TANC2: variants seen among roughly 807,000 people sequenced by gnomAD.
TANC2 encodes tetratricopeptide repeat, ankyrin repeat and coiled-coil containing 2.
A neutral mutation model predicts 210.5 loss-of-function variants in TANC2; 26 were observed. The ratio of observed to expected loss-of-function variants is 0.12; its 90% CI spans 0.09 to 0.17. The LOEUF (loss-of-function observed/expected upper bound fraction) is 0.17, where lower values mean the gene tolerates loss of function less well. Among genes scored for constraint, TANC2 ranks in the 10% least tolerant of loss-of-function variants. The probability of loss-of-function intolerance (pLI) is 1.00; values close to 1 mark genes in which losing one functional copy is unlikely to be tolerated. For missense variants in TANC2, 2,129 were observed against 2,608.9 expected (o/e 0.82, Z 4.01); for synonymous variants, 931 against 967.1 (o/e 0.96, Z 0.69).
At chr17:63,066,155 C>G (rs2036188648) in intron 2 of TANC2, among the ~76,000 whole-genome samples, 1 of 152,146 alleles carries the variant, frequency 6.6e-6, no homozygotes, top group South Asian at 2.1e-4. Flanking sequence ...AGGCCTGGAT[C>G]CTGGGGCCAC....
intron 11 of TANC2, among the ~76,000 whole-genome samples, chr17:63,329,446 C>G (rs2045762163): frequency 6.6e-6 from 1 of 152,070 alleles, no homozygotes; most frequent in African/African-American, 2.4e-5. Context: ...TACCTATCAA[C>G]TAGCAAAAAT....
chr17:63,059,480 C>T (rs1246750900), intron 2 of TANC2, among the ~76,000 whole-genome samples: 1 of 152,098 alleles, frequency 6.6e-6, no homozygotes, highest in Non-Finnish European at 1.5e-5. Flanking sequence ...TAATTCATTG[C>T]AAGTTGCAGA....
chr17:63,104,008 C>T (rs2037730030), intron 4 of TANC2, among the ~76,000 whole-genome samples: 1 of 151,856 alleles, frequency 6.6e-6, no homozygotes, highest in African/African-American at 2.4e-5. Context: ...ACATGTGTCT[C>T]ATTTTACCAA....
intron 7 of TANC2, among the ~76,000 whole-genome samples, chr17:63,219,789 C>A (rs1172510089): frequency 6.6e-6 from 1 of 151,714 alleles, no homozygotes; most frequent in Non-Finnish European, 1.5e-5. Context: ...CACATATATC[C>A]ATTTTTTTAG....
chr17:63,012,017 CTT>C (rs559717868), intron 2 of TANC2, among the ~76,000 whole-genome samples: 18 of 134,472 alleles, frequency 1.3e-4, no homozygotes, highest in Admixed American at 2.3e-4. Context: ...TTGATCAAAA[CTT>C]TTTTTTTTTT....
At chr17:63,270,838 C>A (rs1451263136) in intron 9 of TANC2, among the ~76,000 whole-genome samples, 3 of 152,106 alleles carry the variant, frequency 2.0e-5, no homozygotes, top group African/African-American at 7.2e-5. Flanking sequence ...CACCAGTAGG[C>A]CCCAGTGTTT....
chr17:63,384,589 T>C lies in TANC2; in HGVS notation c.2692-4046T>C, dbSNP rs80023267. Among the ~76,000 whole-genome samples the C allele has an allele frequency of 1.4e-4, 21 of 152,262 alleles. No individual in the cohort carries two copies. In the East Asian group the frequency reaches 3.5e-3, roughly 25 times the overall value. On this transcript the variant is annotated intron_variant, in intron 15 of 27. Coordinates refer to ENST00000689528, the Ensembl canonical transcript of TANC2. Reference sequence around the variant, plus strand: ...ATTATAGTAGAAGCCCCTTTATATCTTTCCCTTACCCCATTCTCCTCCCTC... The same window carrying C: ...ATTATAGTAGAAGCCCCTTTATATCCTTCCCTTACCCCATTCTCCTCCCTC...
intron 17 of TANC2, among the ~76,000 whole-genome samples, chr17:63,392,028 G>A (rs1160670883): frequency 6.6e-6 from 1 of 152,040 alleles, no homozygotes; most frequent in African/African-American, 2.4e-5. Flanking sequence ...TGCTCGGCCA[G>A]TAGTAAACTT....
At chr17:63,214,706 G>A (rs562564730) in intron 7 of TANC2, among the ~76,000 whole-genome samples, 1 of 152,236 alleles carries the variant, frequency 6.6e-6, no homozygotes, top group South Asian at 2.1e-4. Flanking sequence ...ACCCCCAAAG[G>A]CCAGAACCTT....
chr17:63,050,079 C>T (rs1194418891), intron 2 of TANC2, among the ~76,000 whole-genome samples: 1 of 152,086 alleles, frequency 6.6e-6, no homozygotes, highest in Non-Finnish European at 1.5e-5. Context: ...AGGCTGGGCA[C>T]AGTGGCTCAC....
At chr17:63,425,787 G>C (rs1484913423) in exon 28 of TANC2, 1 of 152,266 alleles carries the variant, frequency 6.6e-6, no homozygotes, top group Admixed American at 6.5e-5. Flanking sequence ...GCCAGGCAGA[G>C]GCTGGAAGAA....
rs547776319 is a variant in TANC2, at chr17:63,391,912, A to C, written c.3051+2368A>C. 1.3e-3 allele frequency among the ~76,000 whole-genome samples: 192 copies of C among 152,144 alleles called. 1 individual carries two copies. Among genetic ancestry groups the C allele is most frequent in the African/African-American group, 4.2e-3 (176 of 41,502 alleles). ...TGGCTAATTTTTGTATTTTTAGTAG[A>C]GATGGGGTTTCACCATGTTGGCCAG... is the stretch of plus-strand genomic sequence containing the variant. On this transcript the variant is annotated intron_variant, in intron 17 of 27. Transcript: ENST00000689528.
intron 11 of TANC2, among the ~76,000 whole-genome samples, chr17:63,319,705 T>A (rs1363886188): frequency 6.6e-6 from 1 of 152,220 alleles, no homozygotes; most frequent in Non-Finnish European, 1.5e-5. Flanking sequence ...AGTTTTAAAT[T>A]TTCATTCCTA....
At chr17:63,383,723 C>T (rs765408552) in intron 15 of TANC2, among the ~76,000 whole-genome samples, 6 of 152,078 alleles carry the variant, frequency 3.9e-5, no homozygotes, top group Admixed American at 1.3e-4. Context: ...GAGTAAATGC[C>T]TTAGTAGTGC....
chr17:63,425,623 G>A (rs1033640555), exon 28 of TANC2: 2 of 152,184 alleles, frequency 1.3e-5, no homozygotes, highest in Admixed American at 6.5e-5. Flanking sequence ...AAAGAACAGC[G>A]GCATCCCCTC....
chr17:63,402,882 T>C (rs1426122625), intron 19 of TANC2, among the ~76,000 whole-genome samples: 1 of 152,244 alleles, frequency 6.6e-6, no homozygotes, highest in African/African-American at 2.4e-5. Context: ...AATCCAGCCA[T>C]ACAACTCCTT....
chr17:63,266,858 T>G (rs182784530), intron 8 of TANC2, among the ~76,000 whole-genome samples: 102 of 152,214 alleles, frequency 6.7e-4, no homozygotes, highest in African/African-American at 2.4e-3. Context: ...GGTGTTATTG[T>G]TGTTGTTGTT....
intron 2 of TANC2, among the ~76,000 whole-genome samples, chr17:63,050,317 C>T (rs1459931736): frequency 6.6e-6 from 1 of 151,114 alleles, no homozygotes; most frequent in Non-Finnish European, 1.5e-5. Context: ...TGATCATGCC[C>T]CAGCACTTCA....
intron 11 of TANC2, among the ~76,000 whole-genome samples, chr17:63,335,360 C>T (rs1036954424): frequency 2.0e-5 from 3 of 152,218 alleles, no homozygotes; most frequent in African/African-American, 7.2e-5. Context: ...TGCCTGTAAT[C>T]CCAACACTTT....
Sources: allele counts gnomAD v4.1 joint callset (sites outside exome capture counted in the v4.1 genomes callset), GRCh38; gene constraint gnomAD v4.1.1; transcripts MANE v1.5; gene names NCBI Gene and HGNC (gene_info 2026-07-23, HGNC 2026-07-21).